The following NEGR1 variants were observed in gnomAD, a reference collection of about 807,000 sequenced individuals.
The protein encoded by NEGR1 is IgLON family member 4.
A neutral mutation model predicts 40.9 loss-of-function variants in NEGR1; 10 were observed. The ratio of observed to expected loss-of-function variants is 0.24; its 90% CI spans 0.15 to 0.42. The LOEUF is 0.42. NEGR1 is among the 10% of genes least tolerant of loss of function. The probability of loss-of-function intolerance (pLI) is 1.00; values close to 1 mark genes in which losing one functional copy is unlikely to be tolerated. For missense variants in NEGR1, 352 were observed against 438.9 expected (o/e 0.80, Z 1.77); for synonymous variants, 185 against 166.8 (o/e 1.11, Z -0.84).
chr1:71,728,822 C>T (rs1159815972), intron 3 of NEGR1, among the ~76,000 whole-genome samples: 1 of 152,230 alleles, frequency 6.6e-6, no homozygotes, highest in East Asian at 1.9e-4. Context: ...TCACTACTCC[C>T]TTTCTCAAAA....
At chr1:71,917,725 A>T (rs900252143) in intron 2 of NEGR1, among the ~76,000 whole-genome samples, 2 of 149,368 alleles carry the variant, frequency 1.3e-5, no homozygotes, top group African/African-American at 5.0e-5. Flanking sequence ...GCTTGCAGTG[A>T]GCCCAGATTG....
At chr1:71,869,967 C>T (rs2101832000) in intron 2 of NEGR1, among the ~76,000 whole-genome samples, 1 of 151,712 alleles carries the variant, frequency 6.6e-6, no homozygotes, top group South Asian at 2.1e-4. Flanking sequence ...GCAACCTCCA[C>T]CTCCCGGGTT....
intron 6 of NEGR1, among the ~76,000 whole-genome samples, chr1:71,568,638 A>C (rs1346566460): frequency 6.6e-6 from 1 of 152,190 alleles, no homozygotes; most frequent in Non-Finnish European, 1.5e-5. Context: ...AAATAAAAAT[A>C]TAAGGAAAAA....
intron 6 of NEGR1, among the ~76,000 whole-genome samples, chr1:71,586,107 T>C (rs1649298980): frequency 6.6e-6 from 1 of 152,100 alleles, no homozygotes; most frequent in South Asian, 2.1e-4. Context: ...AGGATTATAG[T>C]TTTAACTTGG....
intron 1 of NEGR1, among the ~76,000 whole-genome samples, chr1:72,197,393 ATATAT>A (rs1310416080): frequency 2.6e-5 from 4 of 152,016 alleles, no homozygotes; most frequent in African/African-American, 9.7e-5. Flanking sequence ...TTAGACTTCA[ATATAT>A]TATATTTTAT....
chr1:71,833,118 T>C (rs1333235877), intron 2 of NEGR1, among the ~76,000 whole-genome samples: 1 of 152,060 alleles, frequency 6.6e-6, no homozygotes, highest in East Asian at 1.9e-4. Context: ...AATTACGTTT[T>C]CTTCAATATA....
chr1:71,989,589 TA>T (rs34534313), intron 1 of NEGR1, among the ~76,000 whole-genome samples: 23,379 of 151,270 alleles, frequency 0.15, 2,041 homozygotes, highest in African/African-American at 0.24. Context: ...CCAAGTCCAT[TA>T]AAAAAAAATC....
intron 3 of NEGR1, among the ~76,000 whole-genome samples, chr1:71,712,928 T>C (rs1654153196): frequency 1.3e-5 from 2 of 152,338 alleles, no homozygotes. Flanking sequence ...CTGCCACAAT[T>C]GTAAGTTTCC....
intron 2 of NEGR1, among the ~76,000 whole-genome samples, chr1:71,907,682 C>G (rs1010928708): frequency 6.6e-6 from 1 of 151,974 alleles, no homozygotes; most frequent in Non-Finnish European, 1.5e-5. Context: ...ATTGTTGTAC[C>G]AAAAATATGC....
Position 72,217,794 on chromosome 1 carries a change from A to T in NEGR1, c.176+64525T>A, listed in dbSNP as rs112290252. Among the ~76,000 whole-genome samples the T allele has an allele frequency of 3.2e-3, 490 of 151,932 alleles. 3 individuals are homozygous for T. Among genetic ancestry groups the T allele is most frequent in the African/African-American group, 0.011 (470 of 41,554 alleles). On this transcript the variant is annotated intron_variant, in intron 1 of 6. Coordinates refer to ENST00000357731, the MANE Select transcript of NEGR1 (RefSeq NM_173808.3). ...ATAAAGTAGTTATAAAACTTTTATG[A>T]TTTGATAAACTTGCAAAAAATAAGC...
chr1:72,154,686 A>G (rs1570050844), intron 1 of NEGR1, among the ~76,000 whole-genome samples: 1 of 152,082 alleles, frequency 6.6e-6, no homozygotes, highest in East Asian at 1.9e-4. Context: ...ATAATGACAT[A>G]TTCTTATTAC....
At chr1:72,083,004 C>G (rs1290227072) in intron 1 of NEGR1, among the ~76,000 whole-genome samples, 2 of 151,978 alleles carry the variant, frequency 1.3e-5, no homozygotes, top group African/African-American at 2.4e-5. Context: ...ATTATTTTAT[C>G]TAAAACACAA....
At chr1:71,742,802 A>T (rs1365118989) in intron 3 of NEGR1, among the ~76,000 whole-genome samples, 1 of 152,124 alleles carries the variant, frequency 6.6e-6, no homozygotes, top group Admixed American at 6.5e-5. Flanking sequence ...GGTTATTGGG[A>T]TTAAATGAAT....
At chr1:72,201,544 C>T (rs919938776) in intron 1 of NEGR1, among the ~76,000 whole-genome samples, 1 of 151,884 alleles carries the variant, frequency 6.6e-6, no homozygotes, top group South Asian at 2.1e-4. Context: ...AAAATATGGA[C>T]AGCTTGGACG....
intron 1 of NEGR1, among the ~76,000 whole-genome samples, chr1:71,997,720 A>G (rs1646517528): frequency 6.6e-6 from 1 of 151,956 alleles, no homozygotes. Context: ...ATCCAAATTC[A>G]TATTTTAATA....
At chr1:72,230,476 T>C (rs1008294985) in intron 1 of NEGR1, among the ~76,000 whole-genome samples, 1 of 152,208 alleles carries the variant, frequency 6.6e-6, no homozygotes, top group Admixed American at 6.6e-5. Flanking sequence ...CTCCAAAATG[T>C]AAATCAAATT....
intron 2 of NEGR1, among the ~76,000 whole-genome samples, chr1:71,884,189 T>C (rs1660660978): frequency 6.6e-6 from 1 of 152,190 alleles, no homozygotes; most frequent in Non-Finnish European, 1.5e-5. Flanking sequence ...TTGGTTATTG[T>C]TTCCTCCACT....
At chr1:71,769,993 G>C (rs1253025603) in intron 3 of NEGR1, among the ~76,000 whole-genome samples, 1 of 152,122 alleles carries the variant, frequency 6.6e-6, no homozygotes, top group South Asian at 2.1e-4. Flanking sequence ...TTTGATAAGA[G>C]GAAGATCTGG....
At chr1:72,209,369 T>C (rs1240623993) in intron 1 of NEGR1, among the ~76,000 whole-genome samples, 1 of 151,746 alleles carries the variant, frequency 6.6e-6, no homozygotes. Flanking sequence ...ATATTTCTAA[T>C]ATCAGTGCCA....
Sources: gnomAD v4.1 joint callset for allele counts (sites outside exome capture counted in the v4.1 genomes callset) on GRCh38, gnomAD v4.1.1 for gene constraint, MANE v1.5 for transcripts, NCBI Gene and HGNC (gene_info 2026-07-23, HGNC 2026-07-21) for gene names.